The following CNTN6 variants were observed in gnomAD, a reference collection of about 807,000 sequenced individuals.
The protein encoded by CNTN6 is contactin-6.
In CNTN6, 137 loss-of-function variants were observed where a neutral mutation model predicts 122.8. The observed-to-expected ratio is 1.12, with a 90% CI of 0.97 to 1.29. CNTN6 has a LOEUF of 1.29. Among genes scored for constraint, CNTN6 ranks in the 50% most tolerant of loss-of-function variants. The pLI, the probability that CNTN6 is intolerant of heterozygous loss-of-function variation, is 0.00. For synonymous variants in CNTN6, 570 were observed against 426.0 expected, an observed-to-expected ratio of 1.34 and a Z score of -4.16; for missense variants, 1,634 against 1,223.4, an observed-to-expected ratio of 1.34 and a Z score of -5.01.
At chr3:1,289,647 T>G (rs1312300628) in intron 5 of CNTN6, among the ~76,000 whole-genome samples, 2 of 150,464 alleles carry the variant, frequency 1.3e-5, no homozygotes, top group Non-Finnish European at 2.9e-5. Context: ...AGACTGAGTT[T>G]TATCTTTTGT....
At chr3:1,140,465 G>C (rs1574992254) in intron 1 of CNTN6, among the ~76,000 whole-genome samples, 1 of 152,046 alleles carries the variant, frequency 6.6e-6, no homozygotes, top group Non-Finnish European at 1.5e-5. Context: ...GTAAATAATG[G>C]CAACTACTTA....
chr3:1,296,104 G>A (rs1026869545), intron 6 of CNTN6, among the ~76,000 whole-genome samples: 1 of 152,132 alleles, frequency 6.6e-6, no homozygotes, highest in African/African-American at 2.4e-5. Context: ...GTTGGCGTGT[G>A]TGTATGTGTG....
chr3:1,141,591 G>T (rs2092609516), intron 1 of CNTN6, among the ~76,000 whole-genome samples: 1 of 152,148 alleles, frequency 6.6e-6, no homozygotes, highest in Admixed American at 6.6e-5. Flanking sequence ...ATCATTTCAT[G>T]TACTGCAAAA....
At chr3:1,289,868 G>T (rs1695006181) in intron 5 of CNTN6, among the ~76,000 whole-genome samples, 1 of 152,022 alleles carries the variant, frequency 6.6e-6, no homozygotes, top group Non-Finnish European at 1.5e-5. Flanking sequence ...TAGAGACGGG[G>T]TTTCACCGTG....
chr3:1,321,044 C>A (rs1700772979), intron 7 of CNTN6, among the ~76,000 whole-genome samples: 1 of 151,348 alleles, frequency 6.6e-6, no homozygotes. Context: ...TTTTGAGGAT[C>A]ATAGAGCCTA....
At chr3:1,308,876 T>A (rs77294097) in intron 7 of CNTN6, among the ~76,000 whole-genome samples, 2,775 of 152,290 alleles carry the variant, frequency 0.018, 101 homozygotes, top group African/African-American at 0.063. Flanking sequence ...GGTAATTCTC[T>A]AACGGCAAAG....
intron 2 of CNTN6, among the ~76,000 whole-genome samples, chr3:1,173,469 A>G (rs955805565): frequency 1.3e-5 from 2 of 152,244 alleles, no homozygotes; most frequent in African/African-American, 4.8e-5. Flanking sequence ...CCATTTAGAT[A>G]AAGGCAACTA....
At chr3:1,292,448 A>C (rs1695488272) in intron 5 of CNTN6, among the ~76,000 whole-genome samples, 1 of 152,158 alleles carries the variant, frequency 6.6e-6, no homozygotes, top group Non-Finnish European at 1.5e-5. Context: ...TATTTCAGTC[A>C]ATTGCATGCG....
intron 7 of CNTN6, among the ~76,000 whole-genome samples, chr3:1,313,335 T>G (rs1699655701): frequency 6.6e-6 from 1 of 152,068 alleles, no homozygotes; most frequent in South Asian, 2.1e-4. Flanking sequence ...GGAGTAGAAA[T>G]TGGTAGTAAA....
intron 2 of CNTN6, among the ~76,000 whole-genome samples, chr3:1,192,461 A>T (rs1192118388): frequency 6.6e-6 from 1 of 152,114 alleles, no homozygotes; most frequent in Non-Finnish European, 1.5e-5. Flanking sequence ...ACCATACTAT[A>T]CATTATTTGC....
intron 10 of CNTN6, among the ~76,000 whole-genome samples, chr3:1,328,357 G>T (rs999353812): frequency 6.6e-5 from 10 of 151,788 alleles, no homozygotes; most frequent in Non-Finnish European, 1.2e-4. Flanking sequence ...CAACCCAAGG[G>T]TTTCTTAGTG....
chr3:1,210,427 A>AAAAGGAAAG (rs1467171710), intron 2 of CNTN6, among the ~76,000 whole-genome samples: 6 of 53,572 alleles, frequency 1.1e-4, no homozygotes, highest in African/African-American at 3.9e-4. Flanking sequence ...AAAGGAAAGA[A>AAAAGGAAAG]AAAAAAAAGG....
chr3:1,292,232 G>C (rs536240563), intron 5 of CNTN6, among the ~76,000 whole-genome samples: 13 of 152,202 alleles, frequency 8.5e-5, no homozygotes, highest in African/African-American at 3.1e-4. Context: ...TTGATAGAGA[G>C]GGTTTTATTT....
At chr3:1,293,504 C>A (rs1295482395) in intron 5 of CNTN6, among the ~76,000 whole-genome samples, 1 of 152,060 alleles carries the variant, frequency 6.6e-6, no homozygotes, top group East Asian at 1.9e-4. Context: ...GGTCTCTTCC[C>A]AGCTGAGGAA....
intron 5 of CNTN6, among the ~76,000 whole-genome samples, chr3:1,278,904 G>A (rs1191072460): frequency 6.6e-6 from 1 of 152,086 alleles, no homozygotes; most frequent in East Asian, 1.9e-4. Flanking sequence ...TTGTTTGTTT[G>A]TTCAGTTTTG....
At chr3:1,281,000 C>G (rs1389585546) in intron 5 of CNTN6, among the ~76,000 whole-genome samples, 1 of 152,124 alleles carries the variant, frequency 6.6e-6, no homozygotes, top group Non-Finnish European at 1.5e-5. Context: ...TTTCTTTAGT[C>G]AGGAAGAGCC....
chr3:1,206,799 CATCTT>C (rs891958187), intron 2 of CNTN6, among the ~76,000 whole-genome samples: 6 of 152,120 alleles, frequency 3.9e-5, no homozygotes, highest in Admixed American at 2.6e-4. Flanking sequence ...GTTTTTTACT[CATCTT>C]ATTTGCCTAG....
rs542738234 is a variant in CNTN6 at position 1,248,044 on chromosome 3, G to A, written c.358+20051G>A. ...ACTGCTTATTTTGTTGGTATGTTGG[G>A]TGGCTCTTCTTGGTGGAAGGCTCAC... On this transcript the variant is annotated intron_variant, in intron 4 of 22. Coordinates refer to ENST00000446702, the MANE Select transcript of CNTN6 (RefSeq NM_001289080.2). 2.0e-5 allele frequency among the ~76,000 whole-genome samples: 3 copies of A among 152,196 alleles called. No homozygotes were observed. In the South Asian group the frequency reaches 6.2e-4, roughly 32 times the overall value.
intron 4 of CNTN6, among the ~76,000 whole-genome samples, chr3:1,278,103 G>A (rs141517050): frequency 6.6e-6 from 1 of 152,132 alleles, no homozygotes; most frequent in South Asian, 2.1e-4. Flanking sequence ...ACCTTCCTTG[G>A]ACAGACAAAG....
Sources: gnomAD v4.1 joint callset for allele counts (sites outside exome capture counted in the v4.1 genomes callset) on GRCh38, gnomAD v4.1.1 for gene constraint, MANE v1.5 for transcripts, NCBI Gene and HGNC (gene_info 2026-07-23, HGNC 2026-07-21) for gene names.